The following CST3 variants were observed in gnomAD, a reference collection of about 807,000 sequenced individuals.
The protein encoded by CST3 is cystatin C, also known as cystatin-C.
In CST3, 14 loss-of-function variants were observed where a neutral mutation model predicts 9.0. The ratio of observed to expected loss-of-function variants is 1.56; its 90% CI spans 1.03 to 2.44. The LOEUF is 2.44. Ranked by LOEUF, CST3 falls within the 30% of genes most tolerant of loss-of-function variation. The pLI is 0.00. For synonymous variants in CST3, 96 were observed against 90.2 expected, an observed-to-expected ratio of 1.06 and a Z score of -0.37; for missense variants, 237 against 204.3, an observed-to-expected ratio of 1.16 and a Z score of -0.98.
downstream of CST3, among the ~76,000 whole-genome samples, chr20:23,630,879 A>C (rs1979428245): frequency 6.6e-6 from 1 of 152,230 alleles, no homozygotes; most frequent in Non-Finnish European, 1.5e-5. Context: ...ACCAAAATAT[A>C]AAATATCCAG....
downstream of CST3, among the ~76,000 whole-genome samples, chr20:23,633,133 C>A (rs1316687218): frequency 6.6e-6 from 1 of 152,196 alleles, no homozygotes; most frequent in Non-Finnish European, 1.5e-5. Flanking sequence ...CTCAGTTACA[C>A]AGACAGGCTT....
At position 23,637,686 on chromosome 20, in the gene CST3, CT is replaced by C. The variant is rs746605962; in HGVS notation, c.176del (p.Glu59GlyfsTer25). On this transcript the variant is annotated frameshift_variant, in exon 1 of 3. Transcript: ENST00000376925. LOFTEE classifies it high-confidence loss of function. ...ACATGTCGTTGCTGGCTTTGTTGTA[CT>C]CGCCGACGGCAAAGTCCAGTGCACG... Reference protein sequence around the residue: ...VRRALDFAVGEYNKASNDMYH... With the variant: ...VRRALDFAVGXYNKASNDMYH... 2.6e-6 allele frequency: 4 copies of C among 1,541,202 alleles called. No homozygotes were observed. The African/African-American group carries it at 5.6e-5, about 22-fold the overall frequency.
rs1055084 is a variant in CST3 at position 23,637,851 on chromosome 20, G to A, written c.12C>T (p.Pro4=). 0.068 allele frequency: 96,897 copies of A among 1,423,864 alleles called. 3,775 individuals are homozygous for A. Among genetic ancestry groups the A allele is most frequent in the Middle Eastern group, 0.08 (314 of 3,916 alleles). 88.2% of individuals were successfully genotyped at this position (1,423,864 alleles called of 1,614,324 possible). The change falls in exon 1 of 3, where the codon CCC becomes CCT. Residue 4 remains proline (P), a synonymous_variant. Coordinates refer to ENST00000376925, the MANE Select transcript of CST3 (RefSeq NM_000099.4). ...CCAGCAGGAGCAGCGGGGCGCGCAG[G>A]GGCCCGGCCATGGTCGGCTAGGACG... MAG[P]LRAPLLLLAI...
chr20:23,636,308 C>T lies in CST3; in HGVS notation c.244-941G>A, dbSNP rs554965498. ...GAGCTCTAAAGTCTGTGTCACTGTT[C>T]GCTGCTCTGCCATGGGATGCAGGTC... On this transcript the variant is annotated intron_variant, in intron 1 of 2. Coordinates refer to ENST00000376925, the MANE Select transcript of CST3 (RefSeq NM_000099.4). Among the ~76,000 whole-genome samples the T allele has an allele frequency of 7.2e-5, 11 of 152,298 alleles. No homozygotes were observed. In the East Asian group the frequency reaches 9.7e-4, roughly 13 times the overall value.
intron 1 of CST3, 44 bp downstream of exon 1, chr20:23,637,576 A>G (rs1168150652): frequency 1.4e-5 from 20 of 1,448,734 alleles, no homozygotes; most frequent in Admixed American, 1.0e-4. Context: ...GGAGGCTGGG[A>G]CGGCGGGGCC....
chr20:23,637,670 T>C lies in CST3; in HGVS notation c.193A>G (p.Asn65Asp). ...AGCGCGCGGCTGTGGTACATGTCGT[T>C]GCTGGCTTTGTTGTACTCGCCGACG... ...FAVGEYNKAS[N>D]DMYHSRALQV... The change falls in exon 1 of 3, where the codon AAC becomes GAC. Residue 65 changes from asparagine (N) to aspartate (D), a missense_variant. Coordinates refer to ENST00000376925, the MANE Select transcript of CST3 (RefSeq NM_000099.4). The C allele has an allele frequency of 1.3e-6, 2 of 1,537,388 alleles. No homozygotes were observed. Among genetic ancestry groups the C allele is most frequent in the Non-Finnish European group, 1.8e-6 (2 of 1,142,518 alleles).
At chr20:23,637,185 T>TTAAC (rs1979710250) in intron 1 of CST3, among the ~76,000 whole-genome samples, 1 of 152,188 alleles carries the variant, frequency 6.6e-6, no homozygotes, top group East Asian at 1.9e-4. Context: ...GAATAAAAAG[T>TTAAC]TAAAAGAAAC....
intron 1 of CST3, among the ~76,000 whole-genome samples, chr20:23,635,583 C>T (rs1223649542): frequency 1.3e-5 from 2 of 152,214 alleles, no homozygotes; most frequent in African/African-American, 4.8e-5. Flanking sequence ...ACTTGTTTCT[C>T]TATGCCAATG....
At chr20:23,632,704 G>C (rs114965981), downstream of CST3, among the ~76,000 whole-genome samples, 164 of 152,304 alleles carry the variant, frequency 1.1e-3, 1 homozygote, top group African/African-American at 3.8e-3. Flanking sequence ...GCAGCTCCGA[G>C]GTTGGAAGGT....
At chr20:23,627,977 G>A (rs1044577601) in exon 4 of CST3, 2 of 152,002 alleles carry the variant, frequency 1.3e-5, no homozygotes, top group South Asian at 4.2e-4. Flanking sequence ...TGAGTTGTAA[G>A]AGTTCATTAT....
chr20:23,637,418 C>G (rs919253686), intron 1 of CST3, among the ~76,000 whole-genome samples: 12 of 152,168 alleles, frequency 7.9e-5, no homozygotes, highest in African/African-American at 2.7e-4. Flanking sequence ...CTGACGTGTC[C>G]GTGCGGTTCC....
rs113065546 is a variant in CST3 at position 23,637,942 on chromosome 20, C to G, written c.-80G>C. ...AGATAGAGAGGACCCGCTGCGATAC[C>G]GAGGCGAGGCCGTGAGCCCCGCGAG... On this transcript the variant is annotated 5_prime_UTR_variant, in exon 1 of 3. Coordinates refer to ENST00000376925, the MANE Select transcript of CST3 (RefSeq NM_000099.4). 1,520 of 1,249,646 alleles carry G rather than the reference C, an allele frequency of 1.2e-3. 17 individuals are homozygous for G. In the African/African-American group the frequency reaches 0.023, roughly 19 times the overall value. 77.4% of individuals were successfully genotyped at this position (1,249,646 alleles called of 1,614,324 possible).
chr20:23,632,518 G>A (rs1979486326), downstream of CST3, among the ~76,000 whole-genome samples: 1 of 152,162 alleles, frequency 6.6e-6, no homozygotes, highest in Non-Finnish European at 1.5e-5. Flanking sequence ...CCCTGTTAAA[G>A]CAAGTCAGGG....
At chr20:23,635,845 G>A (rs1050222162) in intron 1 of CST3, among the ~76,000 whole-genome samples, 1 of 152,186 alleles carries the variant, frequency 6.6e-6, no homozygotes, top group African/African-American at 2.4e-5. Flanking sequence ...CATTCCAGGT[G>A]TGATTTTCAA....
intron 1 of CST3, among the ~76,000 whole-genome samples, chr20:23,636,261 G>C (rs569206354): frequency 1.3e-5 from 2 of 152,306 alleles, no homozygotes; most frequent in East Asian, 1.9e-4. Flanking sequence ...GGACTCCTCT[G>C]AATTTCCAAG....
chr20:23,637,631 C>A lies in CST3; in HGVS notation c.232G>T (p.Ala78Ser). The A allele has an allele frequency of 6.6e-7, 1 of 1,520,830 alleles. No individual in the cohort carries two copies. The highest frequency in any genetic ancestry group is 2.3e-4 in the Middle Eastern group (1 of 4,302). The allele number at this position is 1,520,830 out of a possible 1,614,324, so 94.2% of individuals were successfully genotyped here. A position where few individuals can be genotyped will look rare whatever the true frequency, so the allele number is the denominator to read the frequency against. Residue 78 changes from alanine (A) to serine (S), a missense_variant, in exon 1 of 3, where the codon GCC becomes TCC. Coordinates refer to ENST00000376925, the MANE Select transcript of CST3 (RefSeq NM_000099.4). ...GGGGCGGCACGCACCTGCTTGCGGG[C>A]GCGCACCACCTGCAGCGCGCGGCTG... ...YHSRALQVVR[A>S]RKQIVAGVNY...
At chr20:23,627,049 T>A (rs532030532) in exon 4 of CST3, 1 of 152,342 alleles carries the variant, frequency 6.6e-6, no homozygotes, top group South Asian at 2.1e-4. Flanking sequence ...AATTTTCACA[T>A]ACCTCACCCA....
At chr20:23,635,465 G>C (rs1979636287) in intron 1 of CST3, 98 bp from the exon 2 acceptor site, 3 of 1,076,332 alleles carry the variant, frequency 2.8e-6, no homozygotes, top group African/African-American at 1.6e-5. Flanking sequence ...GGCTTGCCTG[G>C]GGCTTCAAGC....
Position 23,637,616 on chromosome 20 carries a change from GCACCTGCTTGCGGGCGCGCAC to G in CST3, c.226_243+3del, listed in dbSNP as rs1281634117. 20 of 1,516,238 alleles carry G rather than the reference GCACCTGCTTGCGGGCGCGCAC, an allele frequency of 1.3e-5. No homozygotes were observed. The highest frequency in any genetic ancestry group is 1.7e-5 in the Non-Finnish European group (19 of 1,132,940). 93.9% of individuals were successfully genotyped at this position (1,516,238 alleles called of 1,614,324 possible). The stretch of plus-strand genomic sequence containing the variant: ...CTTCGGACCCTGCGGGGGGCGGCAC[GCACCTGCTTGCGGGCGCGCAC>G]CACCTGCAGCGCGCGGCTGTGGTAC... On this transcript the variant is annotated splice_donor_variant and splice_donor_region_variant and coding_sequence_variant and intron_variant, in exon 1 of 3. Transcript: ENST00000376925. LOFTEE classifies it high-confidence loss of function.
Sources: gnomAD v4.1 joint callset for allele counts (sites outside exome capture counted in the v4.1 genomes callset) on GRCh38, gnomAD v4.1.1 for gene constraint, MANE v1.5 for transcripts, NCBI Gene and HGNC (gene_info 2026-07-23, HGNC 2026-07-21) for gene names.